The following TRPM3 variants were observed in gnomAD, a reference collection of about 807,000 sequenced individuals.
TRPM3 encodes the protein transient receptor potential cation channel subfamily M member 3, also known as long transient receptor potential channel 3.
TRPM3 carries 77 observed loss-of-function variants against 181.2 expected under a neutral mutation model. The observed-to-expected ratio is 0.42, with a 90% confidence interval of 0.35 to 0.51. TRPM3 has a LOEUF of 0.51. Among genes scored for constraint, TRPM3 ranks in the 20% least tolerant of loss-of-function variants. TRPM3 has a pLI of 0.01. For missense variants in TRPM3, 1,759 were observed against 2,196.7 expected (o/e 0.80, Z 3.98); for synonymous variants, 745 against 796.4 (o/e 0.94, Z 1.09).
intron 1 of TRPM3, among the ~76,000 whole-genome samples, chr9:71,356,263 G>A (rs1008653918): frequency 5.9e-5 from 9 of 152,068 alleles, no homozygotes; most frequent in African/African-American, 2.2e-4. Context: ...TGTGTTATGG[G>A]GGTCTGTGGT....
At chr9:71,217,906 C>T (rs1340795536) in intron 1 of TRPM3, among the ~76,000 whole-genome samples, 5 of 152,188 alleles carry the variant, frequency 3.3e-5, no homozygotes, top group Non-Finnish European at 7.3e-5. Context: ...CAACTCACTA[C>T]CTTGGAGTGA....
At chr9:71,135,006 G>A (rs1198282049) in intron 1 of TRPM3, among the ~76,000 whole-genome samples, 1 of 152,150 alleles carries the variant, frequency 6.6e-6, no homozygotes, top group Non-Finnish European at 1.5e-5. Context: ...AACTCTTACT[G>A]TAAACACAGC....
intron 1 of TRPM3, among the ~76,000 whole-genome samples, chr9:71,205,108 A>G (rs2079046481): frequency 6.6e-6 from 1 of 152,080 alleles, no homozygotes; most frequent in Admixed American, 6.6e-5. Flanking sequence ...GATATACCTA[A>G]TGTTAAATGA....
intron 6 of TRPM3, among the ~76,000 whole-genome samples, chr9:70,818,102 A>G (rs2092860640): frequency 1.3e-5 from 2 of 152,204 alleles, no homozygotes; most frequent in African/African-American, 2.4e-5. Context: ...CTCGCTAGAT[A>G]ACCTCTGTCA....
At chr9:71,286,183 G>T (rs905875846) in intron 1 of TRPM3, among the ~76,000 whole-genome samples, 1 of 152,208 alleles carries the variant, frequency 6.6e-6, no homozygotes, top group Non-Finnish European at 1.5e-5. Context: ...TTTGTGAGGT[G>T]TCATCAGACC....
intron 22 of TRPM3, among the ~76,000 whole-genome samples, chr9:70,560,433 T>C (rs1217850494): frequency 1.3e-5 from 2 of 152,214 alleles, no homozygotes; most frequent in Non-Finnish European, 2.9e-5. Flanking sequence ...CAGGCTTAAA[T>C]GGAAGGCCCT....
At chr9:71,389,099 G>A (rs1372153625) in intron 1 of TRPM3, among the ~76,000 whole-genome samples, 1 of 151,844 alleles carries the variant, frequency 6.6e-6, no homozygotes, top group Non-Finnish European at 1.5e-5. Context: ...TCTGACAAGG[G>A]ACTAATATCC....
chr9:71,023,278 C>T (rs1216051920), intron 1 of TRPM3, among the ~76,000 whole-genome samples: 2 of 152,112 alleles, frequency 1.3e-5, no homozygotes, highest in Non-Finnish European at 2.9e-5. Flanking sequence ...CAAATTAAAA[C>T]CACAATGAGC....
In TRPM3 at chr9:70,639,211, T is replaced by A. The variant is rs753716656; in HGVS notation, c.1447-17A>T. ...AGATCCCACCTGCAAACCAAGTCAC[T>A]GAGTTAGTCTGCCCCAGGGTCTATC... On this transcript the variant is annotated splice_polypyrimidine_tract_variant and intron_variant, in intron 10 of 25. Transcript: ENST00000677713. The A allele has an allele frequency of 5.8e-5, 93 of 1,612,992 alleles. No homozygotes were observed. Among genetic ancestry groups the A allele is most frequent in the Non-Finnish European group, 7.4e-5 (87 of 1,179,558 alleles).
chr9:70,827,749 G>T, intron 6 of TRPM3, 98 bp downstream of exon 6: 1 of 1,416,020 alleles, frequency 7.1e-7, no homozygotes, highest in Non-Finnish European at 9.6e-7. Context: ...TTTAAAACTT[G>T]CTCAAGTTTT....
intron 6 of TRPM3, among the ~76,000 whole-genome samples, chr9:70,814,119 T>A (rs904136809): frequency 2.6e-5 from 4 of 152,222 alleles, no homozygotes; most frequent in African/African-American, 9.6e-5. Flanking sequence ...TATTTTGAGT[T>A]CTTATTTTTG....
intron 1 of TRPM3, among the ~76,000 whole-genome samples, chr9:70,945,944 T>C (rs543638981): frequency 2.6e-5 from 4 of 152,166 alleles, no homozygotes; most frequent in East Asian, 1.9e-4. Flanking sequence ...GTATAGTACA[T>C]GAATAACAAA....
At chr9:71,282,014 C>T (rs2309919) in intron 1 of TRPM3, among the ~76,000 whole-genome samples, 110,335 of 111,838 alleles carry the variant, frequency 0.99, 54,448 homozygotes, top group East Asian at 1. Context: ...CAAGCCAAGA[C>T]CACAACATTG....
At chr9:71,192,766 C>A (rs1565324019) in intron 1 of TRPM3, among the ~76,000 whole-genome samples, 1 of 151,576 alleles carries the variant, frequency 6.6e-6, no homozygotes, top group South Asian at 2.1e-4. Context: ...TTGATGTAGT[C>A]CCAATTGTTT....
intron 22 of TRPM3, among the ~76,000 whole-genome samples, chr9:70,583,867 A>G (rs935507046): frequency 2.6e-5 from 4 of 152,094 alleles, no homozygotes; most frequent in Admixed American, 1.3e-4. Context: ...ACTTCTTTCT[A>G]TCATCTCCTA....
At chr9:71,243,989 G>A (rs1275119831) in intron 1 of TRPM3, among the ~76,000 whole-genome samples, 1 of 152,124 alleles carries the variant, frequency 6.6e-6, no homozygotes, top group Non-Finnish European at 1.5e-5. Flanking sequence ...AACAGGCTGT[G>A]AACCTCCAGT....
intron 1 of TRPM3, among the ~76,000 whole-genome samples, chr9:70,983,406 T>G (rs1196316800): frequency 2.0e-5 from 3 of 152,132 alleles, no homozygotes; most frequent in Admixed American, 2.0e-4. Flanking sequence ...TATACAGACT[T>G]AGATACTTCA....
chr9:71,229,889 A>G (rs1223198819), intron 1 of TRPM3, among the ~76,000 whole-genome samples: 1 of 152,160 alleles, frequency 6.6e-6, no homozygotes, highest in African/African-American at 2.4e-5. Context: ...TTCTCAAAAA[A>G]CTAAAAATAG....
At chr9:71,412,801 A>G (rs1481175402) in intron 1 of TRPM3, among the ~76,000 whole-genome samples, 2 of 152,230 alleles carry the variant, frequency 1.3e-5, no homozygotes, top group African/African-American at 4.8e-5. Flanking sequence ...ATACACACGT[A>G]TGTTTATTGT....
Sources: gnomAD v4.1 joint callset for allele counts (sites outside exome capture counted in the v4.1 genomes callset) on GRCh38, gnomAD v4.1.1 for gene constraint, MANE v1.5 for transcripts, NCBI Gene and HGNC (gene_info 2026-07-23, HGNC 2026-07-21) for gene names.